Variants in CNTN4 observed in about 807,000 individuals in gnomAD.
The protein encoded by CNTN4 is contactin-4.
A neutral mutation model predicts 122.5 loss-of-function variants in CNTN4; 77 were observed. That is an observed-to-expected ratio of 0.63 (90% CI 0.52 to 0.76). The LOEUF is 0.76. Among genes scored for constraint, CNTN4 ranks in the 30% least tolerant of loss-of-function variants. CNTN4 has a pLI of 0.00. For synonymous variants in CNTN4, 512 were observed against 447.0 expected, an observed-to-expected ratio of 1.15 and a Z score of -1.83; for missense variants, 1,256 against 1,259.1, an observed-to-expected ratio of 1.00 and a Z score of 0.04.
chr3:2,216,598 A>G (rs1299439414), intron 2 of CNTN4, among the ~76,000 whole-genome samples: 2 of 152,320 alleles, frequency 1.3e-5, no homozygotes, highest in African/African-American at 4.8e-5. Flanking sequence ...GAGTAATTAC[A>G]TGAGCATGTT....
chr3:2,903,276 G>T (rs1168204044), intron 12 of CNTN4, among the ~76,000 whole-genome samples: 4 of 152,204 alleles, frequency 2.6e-5, no homozygotes, highest in African/African-American at 9.6e-5. Flanking sequence ...TCTAAATTGA[G>T]CAAAGTTTTT....
chr3:2,507,304 C>T (rs921438531), intron 3 of CNTN4, among the ~76,000 whole-genome samples: 3 of 152,046 alleles, frequency 2.0e-5, no homozygotes, highest in Admixed American at 1.3e-4. Flanking sequence ...CAGTAGCACC[C>T]CTACCCCAAG....
intron 7 of CNTN4, among the ~76,000 whole-genome samples, chr3:2,831,685 T>C (rs2093108567): frequency 6.6e-6 from 1 of 152,184 alleles, no homozygotes; most frequent in South Asian, 2.1e-4. Flanking sequence ...AAACACTCCA[T>C]AGGACTTCAC....
Position 2,155,875 on chromosome 3 carries a change from C to T in CNTN4, c.-145+55236C>T, listed in dbSNP as rs73095882. On this transcript the variant is annotated intron_variant, in intron 2 of 24. Coordinates refer to ENST00000418658, the MANE Select transcript of CNTN4 (RefSeq NM_175607.3). ...ATGTCATTTCCTCAGAAAGCACCAC[C>T]TTCTTGACCCTCCAGCCTACAGGAG... Among the ~76,000 whole-genome samples, 534 of 152,312 alleles carry T rather than the reference C, an allele frequency of 3.5e-3. 3 individuals carry two copies. Among genetic ancestry groups the T allele is most frequent in the African/African-American group, 0.012 (512 of 41,560 alleles).
At chr3:2,226,383 G>T (rs2039284755) in intron 2 of CNTN4, among the ~76,000 whole-genome samples, 1 of 152,016 alleles carries the variant, frequency 6.6e-6, no homozygotes, top group African/African-American at 2.4e-5. Flanking sequence ...TAGTTTAAGG[G>T]GATTTTTGGA....
chr3:2,685,420 C>T (rs1243116388), intron 4 of CNTN4, among the ~76,000 whole-genome samples: 1 of 152,118 alleles, frequency 6.6e-6, no homozygotes, highest in African/African-American at 2.4e-5. Context: ...TAATTCTTTA[C>T]CTGACTTTCT....
chr3:3,026,689 G>C lies in CNTN4; in HGVS notation c.1662+412G>C, dbSNP rs140287733. Among the ~76,000 whole-genome samples, 73 of 152,218 alleles carry C rather than the reference G, an allele frequency of 4.8e-4. No homozygotes were observed. The Middle Eastern group carries it at 0.01, about 21-fold the overall frequency. On this transcript the variant is annotated intron_variant, in intron 15 of 24. Coordinates refer to ENST00000418658, the MANE Select transcript of CNTN4 (RefSeq NM_175607.3). ...GATAGTTTCCTTCTGTTTTTAGGCT[G>C]CTAATTAAACTCCCTTTGACCTTGT... is the stretch of plus-strand genomic sequence containing the variant.
intron 18 of CNTN4, chr3:3,037,671 A>T: frequency 5.6e-6 from 2 of 357,776 alleles, no homozygotes; most frequent in Admixed American, 3.9e-5. Flanking sequence ...ATTATCTCAC[A>T]TAAGTAACTA....
chr3:2,881,518 A>G (rs1253069665), intron 8 of CNTN4, among the ~76,000 whole-genome samples: 2 of 151,270 alleles, frequency 1.3e-5, no homozygotes, highest in Non-Finnish European at 3.0e-5. Context: ...GTCTCAAGAA[A>G]AAAAAAAAAA....
chr3:2,988,570 G>GTGGTATCTGTACAT, intron 14 of CNTN4, 98 bp downstream of exon 14: 1 of 1,238,162 alleles, frequency 8.1e-7, no homozygotes, highest in Non-Finnish European at 1.2e-6. Flanking sequence ...AATATGTACA[G>GTGGTATCTGTACAT]ATACCACTGT....
chr3:2,646,889 A>C lies in CNTN4; in HGVS notation c.55+75331A>C, dbSNP rs557354668. Among the ~76,000 whole-genome samples the C allele has an allele frequency of 3.3e-5, 5 of 152,268 alleles. No homozygotes were observed. In the South Asian group the frequency reaches 6.2e-4, roughly 19 times the overall value. Reference sequence around the variant, plus strand: ...ACCACCCTAAGGTTTCATTTAACTTAATTACCTCTTAAAAGGCCCTGTGTC... The same window carrying C: ...ACCACCCTAAGGTTTCATTTAACTTCATTACCTCTTAAAAGGCCCTGTGTC... On this transcript the variant is annotated intron_variant, in intron 4 of 24. Transcript: ENST00000418658.
intron 3 of CNTN4, among the ~76,000 whole-genome samples, chr3:2,381,087 C>G (rs1034095855): frequency 3.3e-5 from 5 of 151,724 alleles, no homozygotes; most frequent in African/African-American, 9.7e-5. Context: ...CTCACTGCAA[C>G]CTCTGCCTTC....
intron 13 of CNTN4, among the ~76,000 whole-genome samples, chr3:2,932,235 G>A (rs148032139): frequency 0.025 from 3,800 of 152,118 alleles, 168 homozygotes; most frequent in African/African-American, 0.086. Flanking sequence ...AAAATTAGCC[G>A]GGCGTGGTGG....
intron 4 of CNTN4, chr3:2,629,518 C>G (rs552801213): frequency 2.2e-6 from 1 of 451,332 alleles, no homozygotes; most frequent in South Asian, 1.6e-5. Context: ...TGTTCCTTCC[C>G]GTTCTAGGTT....
chr3:2,128,903 G>C (rs181004257), intron 2 of CNTN4, among the ~76,000 whole-genome samples: 3 of 152,288 alleles, frequency 2.0e-5, no homozygotes, highest in African/African-American at 7.2e-5. Context: ...AAAGGAGCTA[G>C]ATTTTGGTTT....
At chr3:2,636,621 A>G (rs750557112) in intron 4 of CNTN4, among the ~76,000 whole-genome samples, 2 of 152,302 alleles carry the variant, frequency 1.3e-5, no homozygotes, top group Non-Finnish European at 2.9e-5. Flanking sequence ...TTACTTTATA[A>G]CTGTATCCCC....
intron 4 of CNTN4, among the ~76,000 whole-genome samples, chr3:2,691,116 G>T (rs1033430405): frequency 6.6e-6 from 1 of 152,134 alleles, no homozygotes; most frequent in Admixed American, 6.6e-5. Context: ...TTTTTAATAT[G>T]TATGGCTTGT....
At chr3:2,189,848 C>T (rs2037444841) in intron 2 of CNTN4, among the ~76,000 whole-genome samples, 1 of 152,184 alleles carries the variant, frequency 6.6e-6, no homozygotes, top group African/African-American at 2.4e-5. Context: ...CAGTAGCCTT[C>T]AGCCAAGGAC....
intron 3 of CNTN4, among the ~76,000 whole-genome samples, chr3:2,362,906 A>G (rs762905995): frequency 3.3e-5 from 5 of 152,214 alleles, no homozygotes; most frequent in Non-Finnish European, 5.9e-5. Flanking sequence ...GAGAACAACT[A>G]TTATAAGATT....
Sources: allele counts gnomAD v4.1 joint callset (sites outside exome capture counted in the v4.1 genomes callset), GRCh38; gene constraint gnomAD v4.1.1; transcripts MANE v1.5; gene names NCBI Gene and HGNC (gene_info 2026-07-23, HGNC 2026-07-21).